The following GPC3 variants were observed in gnomAD, a reference collection of about 807,000 sequenced individuals.
The protein encoded by GPC3 is glypican-3.
Under a neutral mutation model 34.4 loss-of-function variants are expected in GPC3, and 3 were observed. The observed-to-expected ratio is 0.09, with a 90% CI of 0.04 to 0.23. The LOEUF is 0.23. Ranked by LOEUF, GPC3 falls within the 10% of genes least tolerant of loss-of-function variation. The pLI is 1.00. For missense variants in GPC3, 351 were observed against 445.6 expected (o/e 0.79, Z 1.91); for synonymous variants, 177 against 174.0 (o/e 1.02, Z -0.13).
chrX:133,879,551 T>C (rs1894624228), intron 2 of GPC3, among the ~76,000 whole-genome samples: 1 of 111,208 alleles, frequency 9.0e-6, no homozygotes, highest in Non-Finnish European at 1.9e-5. Flanking sequence ...ACACCTGTAA[T>C]CCCAGCACTT....
chrX:133,692,385 G>C lies in GPC3; in HGVS notation c.1276C>G (p.Gln426Glu). 8.3e-7 allele frequency: 1 copy of C among 1,211,040 alleles called. No homozygotes were observed. The highest frequency in any genetic ancestry group is 1.1e-6 in the Non-Finnish European group (1 of 894,476). Residue 426 changes from glutamine to glutamate, a missense_variant, in exon 5 of 8, where the codon CAA (glutamine) becomes GAA (glutamate). Physicochemically the swap from Gln to Glu is conservative, Grantham distance 29. Coordinates refer to ENST00000370818, the MANE Select transcript of GPC3 (RefSeq NM_004484.4). ...AAAGATCACCTCTCCACGAGTTCTT[G>C]TCCATTCCAGCAAAGGGTGTCGTTT... ...AENDTLCWNG[Q>E]ELVERYSQKA...
At chrX:133,904,805 T>C (rs2124602221) in intron 2 of GPC3, among the ~76,000 whole-genome samples, 1 of 111,591 alleles carries the variant, frequency 9.0e-6, no homozygotes, top group African/African-American at 3.3e-5. Flanking sequence ...GAGGCAGCAC[T>C]AAATAAGTAG....
chrX:133,657,371 G>A (rs1052236244), intron 6 of GPC3, among the ~76,000 whole-genome samples: 2 of 111,667 alleles, frequency 1.8e-5, no homozygotes, highest in African/African-American at 6.5e-5. Context: ...GGTAATTGTG[G>A]AGTCTTCTCT....
chrX:133,921,715 C>T (rs1569455024), intron 2 of GPC3, among the ~76,000 whole-genome samples: 1 of 112,218 alleles, frequency 8.9e-6, no homozygotes, highest in Admixed American at 9.4e-5. Flanking sequence ...GAACTTTGAC[C>T]GTAGCACTGG....
At chrX:133,759,081 C>T (rs1389867748) in intron 2 of GPC3, among the ~76,000 whole-genome samples, 2 of 111,165 alleles carry the variant, frequency 1.8e-5, no homozygotes, top group Admixed American at 9.6e-5. Context: ...AAAAGGTGTA[C>T]AGATTGGGAA....
intron 2 of GPC3, among the ~76,000 whole-genome samples, chrX:133,921,017 T>C (rs2076245736): frequency 8.9e-6 from 1 of 112,196 alleles, no homozygotes; most frequent in Admixed American, 9.5e-5. Flanking sequence ...ACTTGCTCAC[T>C]TAAGTTTAAC....
rs2069555355 is a variant in GPC3, at chrX:133,563,341, C to G, written c.1574-27048G>C. ...AAACCCCTGGGCTCAGGCGATCTTC[C>G]TGAGTAGCTGGGACTAGGCCTTAGA... On this transcript the variant is annotated intron_variant, in intron 7 of 7. Coordinates refer to ENST00000370818, the MANE Select transcript of GPC3 (RefSeq NM_004484.4). Among the ~76,000 whole-genome samples the G allele has an allele frequency of 3.6e-5, 4 of 111,397 alleles. No individual in the cohort carries two copies. In the South Asian group the frequency reaches 1.5e-3, roughly 43 times the overall value.
At chrX:133,960,890 A>G (rs770646921) in intron 1 of GPC3, among the ~76,000 whole-genome samples, 20 of 111,862 alleles carry the variant, frequency 1.8e-4, no homozygotes, top group African/African-American at 5.8e-4. Context: ...AAAAAAAGCC[A>G]TAACAGGCAT....
intron 2 of GPC3, among the ~76,000 whole-genome samples, chrX:133,774,836 T>A (rs2071961553): frequency 9.0e-6 from 1 of 111,436 alleles, no homozygotes; most frequent in Admixed American, 9.5e-5. Context: ...GGATCTGGGA[T>A]CTCACTTATA....
chrX:133,639,632 T>C (rs976990444), intron 6 of GPC3, among the ~76,000 whole-genome samples: 2 of 111,326 alleles, frequency 1.8e-5, no homozygotes, highest in Admixed American at 1.9e-4. Context: ...TTTTGGGAAA[T>C]TTGTTTAAAT....
chrX:133,545,244 C>T (rs773918986), intron 7 of GPC3, among the ~76,000 whole-genome samples: 19 of 111,349 alleles, frequency 1.7e-4, no homozygotes, highest in East Asian at 2.8e-4. Context: ...TGGGTTAACA[C>T]GGTCAAATGT....
intron 2 of GPC3, among the ~76,000 whole-genome samples, chrX:133,836,722 C>A (rs1321519641): frequency 8.9e-6 from 1 of 111,793 alleles, no homozygotes; most frequent in Non-Finnish European, 1.9e-5. Flanking sequence ...TACGGACTTT[C>A]TGTTTCGGGA....
chrX:133,678,352 G>C (rs1354182542), intron 5 of GPC3, among the ~76,000 whole-genome samples: 2 of 111,755 alleles, frequency 1.8e-5, no homozygotes, highest in Non-Finnish European at 3.8e-5. Context: ...ATGCATCAGG[G>C]AGGAAAAGGT....
rs770189524 is a variant in GPC3 at position 133,613,476 on chromosome X, G to C, written c.1414-16877C>G. Among the ~76,000 whole-genome samples, 35 of 112,129 alleles carry C rather than the reference G, an allele frequency of 3.1e-4. No homozygotes were observed. The South Asian group carries it at 0.011, about 37-fold the overall frequency. On this transcript the variant is annotated intron_variant, in intron 6 of 7. Coordinates refer to ENST00000370818, the MANE Select transcript of GPC3 (RefSeq NM_004484.4). Reference sequence around the variant, plus strand: ...TATACAGTATTATGGAAAGAGGCTTGTCATAGGAGTTTCAGTTTTCTCATC... The same window carrying C: ...TATACAGTATTATGGAAAGAGGCTTCTCATAGGAGTTTCAGTTTTCTCATC...
intron 3 of GPC3, among the ~76,000 whole-genome samples, chrX:133,748,276 G>T (rs1007984305): frequency 8.9e-6 from 1 of 112,225 alleles, no homozygotes. Context: ...GCACTCAGCA[G>T]TTTGGGTGTA....
At chrX:133,850,189 G>GTTTTTTTTTTTTTTT (rs1282213093) in intron 2 of GPC3, among the ~76,000 whole-genome samples, 2 of 72,676 alleles carry the variant, frequency 2.8e-5, no homozygotes, top group African/African-American at 7.6e-5. Context: ...TGTTTTTTGG[G>GTTTTTTTTTTTTTTT]TTTTGTTTTT....
intron 2 of GPC3, among the ~76,000 whole-genome samples, chrX:133,843,829 C>T (rs2075835979): frequency 1.8e-5 from 2 of 112,067 alleles, no homozygotes; most frequent in Non-Finnish European, 3.8e-5. Context: ...CTATGCATTT[C>T]GTGATACAAA....
At chrX:133,847,732 T>C (rs973675859) in intron 2 of GPC3, among the ~76,000 whole-genome samples, 1 of 112,182 alleles carries the variant, frequency 8.9e-6, no homozygotes, top group African/African-American at 3.2e-5. Flanking sequence ...AGAAAATAAG[T>C]GCAATGCAGA....
intron 4 of GPC3, among the ~76,000 whole-genome samples, chrX:133,694,221 T>C (rs962433595): frequency 2.7e-5 from 3 of 111,158 alleles, no homozygotes; most frequent in African/African-American, 9.8e-5. Flanking sequence ...GAAAGGGCTC[T>C]CAGCATAGAT....
Sources: gnomAD v4.1 joint callset for allele counts (sites outside exome capture counted in the v4.1 genomes callset) on GRCh38, gnomAD v4.1.1 for gene constraint, MANE v1.5 for transcripts, NCBI Gene and HGNC (gene_info 2026-07-23, HGNC 2026-07-21) for gene names.